Variants in ZDHHC20 observed in about 807,000 individuals in gnomAD.
ZDHHC20 encodes the protein palmitoyltransferase ZDHHC20.
ZDHHC20 carries 43 observed loss-of-function variants against 57.8 expected under a neutral mutation model. That is an observed-to-expected ratio of 0.74 (90% CI 0.58 to 0.96). The LOEUF (loss-of-function observed/expected upper bound fraction) is 0.96, where lower values mean the gene tolerates loss of function less well. Among genes scored for constraint, ZDHHC20 ranks in the 40% least tolerant of loss-of-function variants. The pLI is 0.00. For synonymous variants in ZDHHC20, 157 were observed against 153.0 expected, an observed-to-expected ratio of 1.03 and a Z score of -0.19; for missense variants, 391 against 441.1, an observed-to-expected ratio of 0.89 and a Z score of 1.02.
chr13:21,402,733 C>T (rs1372697826), intron 5 of ZDHHC20, 64 bp downstream of exon 5: 3 of 1,356,848 alleles, frequency 2.2e-6, no homozygotes, highest in African/African-American at 1.4e-5. Flanking sequence ...GTTCCTTCCC[C>T]TTGCACTTTC....
At chr13:21,458,625 T>C (rs982390843) in intron 1 of ZDHHC20, among the ~76,000 whole-genome samples, 1 of 152,050 alleles carries the variant, frequency 6.6e-6, no homozygotes, top group Non-Finnish European at 1.5e-5. Context: ...CTCGCGCAGT[T>C]TGAACAAAAA....
At chr13:21,395,496 C>CTTTTTT (rs201405874) in intron 7 of ZDHHC20, among the ~76,000 whole-genome samples, 50 of 120,500 alleles carry the variant, frequency 4.1e-4, no homozygotes, top group Non-Finnish European at 6.2e-4. Flanking sequence ...CTTTTCTTTT[C>CTTTTTT]TTTTTTTTTT....
At chr13:21,433,350 G>A (rs1018464674) in intron 1 of ZDHHC20, among the ~76,000 whole-genome samples, 60 of 152,250 alleles carry the variant, frequency 3.9e-4, no homozygotes, top group African/African-American at 1.3e-3. Context: ...AGGCATGGTG[G>A]CTCATGCCTG....
At chr13:21,420,884 G>A (rs1003681838) in intron 3 of ZDHHC20, among the ~76,000 whole-genome samples, 177 bp downstream of exon 3, 2 of 152,170 alleles carry the variant, frequency 1.3e-5, no homozygotes. Context: ...TGCTGTGTCA[G>A]TGGACTGTAT....
intron 1 of ZDHHC20, among the ~76,000 whole-genome samples, chr13:21,441,495 CTT>C (rs1013504568): frequency 3.4e-5 from 5 of 145,622 alleles, no homozygotes; most frequent in Non-Finnish European, 6.0e-5. Flanking sequence ...ACGCCATTCT[CTT>C]GACTCAGCCT....
Position 21,398,421 on chromosome 13 carries a change from G to A in ZDHHC20, c.594+1952C>T, listed in dbSNP as rs574024875. 9.3e-5 allele frequency among the ~76,000 whole-genome samples: 14 copies of A among 149,842 alleles called. No homozygotes were observed. In the East Asian group the frequency reaches 9.8e-4, roughly 10 times the overall value. On this transcript the variant is annotated intron_variant, in intron 7 of 12. Transcript: ENST00000400590. ...GGAGCTGGCAGTGAGCCAAGATCGC[G>A]CCACTGCACTCCAGCCTGGGCAACA...
intron 10 of ZDHHC20, chr13:21,381,939 T>A (rs971419233): frequency 1.9e-6 from 1 of 525,012 alleles, no homozygotes; most frequent in Non-Finnish European, 3.8e-6. Flanking sequence ...ACCTCTGCAG[T>A]TTAGATCTAA....
At chr13:21,397,143 C>T (rs1566075934) in intron 7 of ZDHHC20, among the ~76,000 whole-genome samples, 1 of 152,150 alleles carries the variant, frequency 6.6e-6, no homozygotes, top group South Asian at 2.1e-4. Context: ...GCCTGTAATG[C>T]CAGCATTTTG....
At chr13:21,379,414 T>G (rs1235934271) in intron 11 of ZDHHC20, among the ~76,000 whole-genome samples, 1 of 152,090 alleles carries the variant, frequency 6.6e-6, no homozygotes, top group Non-Finnish European at 1.5e-5. Context: ...CCTGAATAGC[T>G]GGGACTACAG....
chr13:21,389,675 A>G (rs750357403), intron 8 of ZDHHC20, among the ~76,000 whole-genome samples: 16 of 152,220 alleles, frequency 1.1e-4, no homozygotes, highest in Non-Finnish European at 1.6e-4. Flanking sequence ...AGAAGGCACG[A>G]CTGGCAAGAC....
chr13:21,420,858 C>T lies in ZDHHC20; in HGVS notation c.249+203G>A, dbSNP rs866183855. Among the ~76,000 whole-genome samples, 4 of 152,088 alleles carry T rather than the reference C, an allele frequency of 2.6e-5. No individual in the cohort carries two copies. In the East Asian group the frequency reaches 5.8e-4, roughly 22 times the overall value. On this transcript the variant is annotated intron_variant, in intron 3 of 12. Coordinates refer to ENST00000400590, the MANE Select transcript of ZDHHC20 (RefSeq NM_001330059.2). ...AGAAAAATAGTAAGCATTTCTATAC[C>T]GCTGAACTTTTACTATGCTGTGTCA...
chr13:21,380,621 G>A (rs1170175112), intron 11 of ZDHHC20, among the ~76,000 whole-genome samples: 1 of 151,324 alleles, frequency 6.6e-6, no homozygotes, highest in Non-Finnish European at 1.5e-5. Context: ...GTGAAACCCC[G>A]TCTCTACTAT....
intron 7 of ZDHHC20, among the ~76,000 whole-genome samples, chr13:21,397,935 A>AT (rs1877059192): frequency 6.6e-6 from 1 of 152,198 alleles, no homozygotes; most frequent in African/African-American, 2.4e-5. Context: ...GATATTAGGA[A>AT]TAGGAATGAT....
In ZDHHC20 at chr13:21,376,651, T is replaced by C; in HGVS notation, c.*45A>G. On this transcript the variant is annotated 3_prime_UTR_variant, in exon 13 of 13. Transcript: ENST00000400590. ...AAAATACCAGTCTATAATGTTTTCATACACCTACAAAAAAAGAAACAAATT... is the reference window on the plus strand; with the variant it reads ...AAAATACCAGTCTATAATGTTTTCACACACCTACAAAAAAAGAAACAAATT... The C allele has an allele frequency of 2.1e-6, 3 of 1,416,236 alleles. No homozygotes were observed. Among genetic ancestry groups the C allele is most frequent in the Non-Finnish European group, 2.9e-6 (3 of 1,052,620 alleles). 87.7% of individuals were successfully genotyped at this position (1,416,236 alleles called of 1,614,324 possible). A position where few individuals can be genotyped will look rare whatever the true frequency, so the allele number is the denominator to read the frequency against.
intron 7 of ZDHHC20, among the ~76,000 whole-genome samples, chr13:21,396,842 A>AAAAGAAAGAAAG (rs3066490): frequency 1.4e-5 from 2 of 148,080 alleles, no homozygotes; most frequent in East Asian, 4.0e-4. Flanking sequence ...CAAAAAAAAA[A>AAAAGAAAGAAAG]AAAGAAAGAA....
At position 21,400,388 on chromosome 13, in the gene ZDHHC20, A is replaced by G. The variant is rs1046368277; in HGVS notation, c.579T>C (p.Phe193=). 4.4e-6 allele frequency: 7 copies of G among 1,588,130 alleles called. No individual in the cohort carries two copies. Among genetic ancestry groups the G allele is most frequent in the South Asian group, 1.2e-5 (1 of 83,442 alleles). Residue 193 remains phenylalanine, a synonymous_variant, in exon 7 of 13, where the codon TTT becomes TTC. Transcript: ENST00000400590. ...LFVAATVLEY[F]IKFWTNELTD... ...AAAGACTTACCGTCCAAAATTTTAT[A>G]AAGTACTCTAAAACTGTTGCAGCCA... is the stretch of plus-strand genomic sequence containing the variant.
intron 10 of ZDHHC20, chr13:21,382,071 TTATG>T (rs1873525827): frequency 2.4e-6 from 1 of 414,944 alleles, no homozygotes; most frequent in Non-Finnish European, 4.9e-6. Context: ...TGGTTCCCTA[TTATG>T]GGCCAGACAC....
chr13:21,447,449 C>T (rs1325401122), intron 1 of ZDHHC20, among the ~76,000 whole-genome samples: 2 of 148,008 alleles, frequency 1.4e-5, no homozygotes, highest in African/African-American at 4.9e-5. Flanking sequence ...CGCGCCGCCA[C>T]GCCTGACTGG....
chr13:21,432,283 G>A (rs1441495132), intron 1 of ZDHHC20, among the ~76,000 whole-genome samples: 1 of 150,478 alleles, frequency 6.6e-6, no homozygotes, highest in East Asian at 2.0e-4. Context: ...TCCTGCCTCA[G>A]CCTCCCAAGT....
Sources: allele counts gnomAD v4.1 joint callset (sites outside exome capture counted in the v4.1 genomes callset), GRCh38; gene constraint gnomAD v4.1.1; transcripts MANE v1.5; gene names NCBI Gene and HGNC (gene_info 2026-07-23, HGNC 2026-07-21).